Variants in MEF2C observed in about 807,000 individuals in gnomAD.
MEF2C encodes myocyte enhancer factor 2C, also known as myocyte-specific enhancer factor 2C.
Under a neutral mutation model 50.5 loss-of-function variants are expected in MEF2C, and 6 were observed. The observed-to-expected ratio is 0.12, with a 90% CI of 0.07 to 0.23. The LOEUF is 0.23. Among genes scored for constraint, MEF2C ranks in the 10% least tolerant of loss-of-function variants. MEF2C has a pLI of 1.00. For missense variants in MEF2C, 276 were observed against 605.0 expected, an observed-to-expected ratio of 0.46 and a Z score of 5.70; for synonymous variants, 183 against 228.0, an observed-to-expected ratio of 0.80 and a Z score of 1.78.
intron 1 of MEF2C, chr5:88,843,250 T>G: frequency 1.3e-6 from 1 of 793,392 alleles, no homozygotes; most frequent in Non-Finnish European, 1.5e-6. Flanking sequence ...AAAAAGCATT[T>G]CTATTTCTAT....
intron 1 of MEF2C, among the ~76,000 whole-genome samples, chr5:88,862,010 G>A (rs1313137158): frequency 6.6e-6 from 1 of 152,124 alleles, no homozygotes; most frequent in Admixed American, 6.5e-5. Flanking sequence ...TTAGTAAGCA[G>A]TGCAACCCAG....
intron 1 of MEF2C, among the ~76,000 whole-genome samples, chr5:88,840,883 A>G (rs532888192): frequency 2.0e-5 from 3 of 152,334 alleles, no homozygotes; most frequent in South Asian, 2.1e-4. Flanking sequence ...AAAGCCTTAG[A>G]AAGTTGAAAT....
At chr5:88,734,572 T>TTTTTTTTTTG (rs1763207440) in intron 6 of MEF2C, 1 of 639,796 alleles carries the variant, frequency 1.6e-6, no homozygotes, top group Non-Finnish European at 1.8e-6. Context: ...TTTGTTTTTT[T>TTTTTTTTTTG]TTTTTTTTTT....
intron 3 of MEF2C, among the ~76,000 whole-genome samples, chr5:88,767,471 C>T (rs1413596117): frequency 6.6e-6 from 1 of 151,980 alleles, no homozygotes; most frequent in Non-Finnish European, 1.5e-5. Flanking sequence ...ATTAGGCAAG[C>T]AAATCATATC....
upstream of MEF2C, among the ~76,000 whole-genome samples, chr5:88,886,530 A>C (rs1391856552): frequency 6.6e-6 from 1 of 152,198 alleles, no homozygotes; most frequent in Non-Finnish European, 1.5e-5. Context: ...AACCTATTCC[A>C]GTTCTATCAT....
chr5:88,738,625 TGCTCTGA>T, intron 6 of MEF2C: 1 of 985,262 alleles, frequency 1.0e-6, no homozygotes, highest in Non-Finnish European at 1.2e-6. Flanking sequence ...GAACCAGTCA[TGCTCTGA>T]GATAGTGAAA....
chr5:88,870,913 G>T (rs1829312437), intron 1 of MEF2C, among the ~76,000 whole-genome samples: 2 of 152,044 alleles, frequency 1.3e-5, no homozygotes, highest in African/African-American at 4.8e-5. Context: ...TGCCAAAGAT[G>T]CCACAATTCA....
chr5:88,802,134 T>C (rs1798626484), intron 3 of MEF2C, among the ~76,000 whole-genome samples: 1 of 152,246 alleles, frequency 6.6e-6, no homozygotes, highest in African/African-American at 2.4e-5. Context: ...ATTCAGAGAT[T>C]TAATCTATTG....
intron 1 of MEF2C, among the ~76,000 whole-genome samples, chr5:88,865,637 A>G (rs944607415): frequency 5.9e-5 from 9 of 152,194 alleles, no homozygotes; most frequent in Non-Finnish European, 1.3e-4. Flanking sequence ...CTTTACAGTT[A>G]GAAGATTCCA....
Position 88,888,720 on chromosome 5 carries a change from GTT to G in MEF2C, c.-239-1124_-239-1123del, listed in dbSNP as rs11331197. 6.5e-3 allele frequency among the ~76,000 whole-genome samples: 941 copies of G among 143,850 alleles called. 8 individuals are homozygous for G. Among genetic ancestry groups the G allele is most frequent in the African/African-American group, 0.022 (853 of 39,224 alleles). 94.4% of individuals were successfully genotyped at this position (143,850 alleles called of 152,430 possible). ...AATAACATCTGAAAGGTATGGTAAG[GTT>G]TTTTTTTTTTTTTTAAACGACACTA... On this transcript the variant is annotated intron_variant, in intron 1 of 11. Transcript: ENST00000340208.
At chr5:88,829,780 G>A (rs1262244925) in intron 1 of MEF2C, among the ~76,000 whole-genome samples, 1 of 151,948 alleles carries the variant, frequency 6.6e-6, no homozygotes, top group African/African-American at 2.4e-5. Context: ...GTACTTGGAC[G>A]CTGTGTGACT....
intron 1 of MEF2C, among the ~76,000 whole-genome samples, chr5:88,875,465 C>T (rs1830759913): frequency 6.6e-6 from 1 of 151,852 alleles, no homozygotes; most frequent in Non-Finnish European, 1.5e-5. Flanking sequence ...AATGCACAAG[C>T]TTCATTGAAA....
chr5:88,770,916 A>G (rs187694370), intron 3 of MEF2C, among the ~76,000 whole-genome samples: 6 of 152,356 alleles, frequency 3.9e-5, no homozygotes, highest in Non-Finnish European at 7.3e-5. Flanking sequence ...GCTAATAAAG[A>G]CATACCAAGA....
intron 3 of MEF2C, among the ~76,000 whole-genome samples, chr5:88,791,870 T>G (rs1198867663): frequency 6.6e-6 from 1 of 152,058 alleles, no homozygotes; most frequent in East Asian, 1.9e-4. Context: ...AAAATCTTTT[T>G]CCCCTTTTCC....
At chr5:88,783,773 C>A (rs1361921352) in intron 3 of MEF2C, among the ~76,000 whole-genome samples, 10 of 152,208 alleles carry the variant, frequency 6.6e-5, no homozygotes. Flanking sequence ...CCCCATAGTT[C>A]TCATTACGTT....
At chr5:88,900,560 T>G (rs923267832) in intron 1 of MEF2C, among the ~76,000 whole-genome samples, 3 of 151,872 alleles carry the variant, frequency 2.0e-5, no homozygotes, top group African/African-American at 4.8e-5. Flanking sequence ...GTAAGACAAA[T>G]AAAAAACTTT....
At chr5:88,811,375 C>T (rs1802728593) in intron 2 of MEF2C, among the ~76,000 whole-genome samples, 1 of 152,068 alleles carries the variant, frequency 6.6e-6, no homozygotes, top group African/African-American at 2.4e-5. Context: ...ATGAGAACTT[C>T]CCACCAAGCA....
At chr5:88,772,817 GA>G (rs1782983605) in intron 3 of MEF2C, 13 of 985,268 alleles carry the variant, frequency 1.3e-5, no homozygotes, top group Non-Finnish European at 1.6e-5. Flanking sequence ...ATAGTGATCT[GA>G]CAGCAATGAG....
At position 88,717,138 on chromosome 5, in the gene MEF2C, T is replaced by C. The variant is rs992554488; in HGVS notation, c.*5466A>G. Reference sequence around the variant, plus strand: ...AATATAAAATTATTAAGGATAATTTTATTATCAGGATATTATCAGGATAAT... The same window carrying C: ...AATATAAAATTATTAAGGATAATTTCATTATCAGGATATTATCAGGATAAT... On this transcript the variant is annotated 3_prime_UTR_variant, in exon 11 of 11. Transcript: ENST00000504921. 3 of 152,256 alleles carry C rather than the reference T, an allele frequency of 2.0e-5. No individual in the cohort carries two copies. The highest frequency in any genetic ancestry group is 6.5e-5 in the Admixed American group (1 of 15,288). The allele number at this position is 152,256 out of a possible 1,614,324, so 9.4% of individuals were successfully genotyped here. A position where few individuals can be genotyped will look rare whatever the true frequency, so the allele number is the denominator to read the frequency against.
Sources: gnomAD v4.1 joint callset for allele counts (sites outside exome capture counted in the v4.1 genomes callset) on GRCh38, gnomAD v4.1.1 for gene constraint, MANE v1.5 for transcripts, NCBI Gene and HGNC (gene_info 2026-07-23, HGNC 2026-07-21) for gene names.